The following EPS8 variants were observed in gnomAD, a reference collection of about 807,000 sequenced individuals.
EPS8 encodes epidermal growth factor receptor kinase substrate 8.
A neutral mutation model predicts 103.8 loss-of-function variants in EPS8; 42 were observed. The ratio of observed to expected loss-of-function variants is 0.40; its 90% CI spans 0.32 to 0.52. EPS8 has a LOEUF of 0.52. Ranked by LOEUF, EPS8 falls within the 20% of genes least tolerant of loss-of-function variation. The pLI, the probability that EPS8 is intolerant of heterozygous loss-of-function variation, is 0.40. For synonymous variants in EPS8, 344 were observed against 344.6 expected, an observed-to-expected ratio of 1.00 and a Z score of 0.02; for missense variants, 969 against 1,005.1, an observed-to-expected ratio of 0.96 and a Z score of 0.49.
intron 12 of EPS8, chr12:15,654,500 T>C: frequency 1.8e-6 from 1 of 570,724 alleles, no homozygotes; most frequent in East Asian, 3.0e-5. Context: ...AAATGAAAGT[T>C]AACAATTTAA....
At position 15,650,615 on chromosome 12, in the gene EPS8, T is replaced by A. The variant is rs73311036; in HGVS notation, c.1434+208A>T. ...ACAGGCTATAGGAGAGCAATTTGGGTTGGGGTTGGGCTTCACGGAGGAACA... is the reference window on the plus strand; with the variant it reads ...ACAGGCTATAGGAGAGCAATTTGGGATGGGGTTGGGCTTCACGGAGGAACA... On this transcript the variant is annotated intron_variant, in intron 14 of 20. Coordinates refer to ENST00000281172, the MANE Select transcript of EPS8 (RefSeq NM_004447.6). Among the ~76,000 whole-genome samples, 12,814 of 151,670 alleles carry A rather than the reference T, an allele frequency of 0.084. 1,242 individuals carry two copies. The highest frequency in any genetic ancestry group is 0.24 in the African/African-American group (9,990 of 41,322).
chr12:15,715,603 C>G (rs1946524225), intron 1 of EPS8, among the ~76,000 whole-genome samples: 1 of 151,660 alleles, frequency 6.6e-6, no homozygotes, highest in African/African-American at 2.4e-5. Context: ...CCAGGCTGGT[C>G]TCGAAATCTT....
intron 1 of EPS8, among the ~76,000 whole-genome samples, chr12:15,765,803 GT>G (rs566163059): frequency 8.1e-4 from 113 of 139,826 alleles, no homozygotes; most frequent in South Asian, 1.9e-3. Flanking sequence ...GAGAAAAGTG[GT>G]TTTTTTTTTT....
rs1946268268 is a variant in EPS8 at position 15,698,374 on chromosome 12, C to A, written c.-21-15402G>T. On this transcript the variant is annotated intron_variant, in intron 1 of 20. Coordinates refer to ENST00000281172, the MANE Select transcript of EPS8 (RefSeq NM_004447.6). This position sits in a 1 kb window ranked among gnomAD's most constrained non-coding sequence, Gnocchi z 4.9. ...CAGCAGCTCTAGCTTCTAACGAGAA[C>A]TACTCAAGGAAAAGAACAAGCAGTG... 6.6e-6 allele frequency among the ~76,000 whole-genome samples: 1 copy of A among 152,080 alleles called. No individual in the cohort carries two copies. Among genetic ancestry groups the A allele is most frequent in the African/African-American group, 2.4e-5 (1 of 41,394 alleles).
In EPS8 at chr12:15,747,657, G is replaced by T. The variant is rs1048465023; in HGVS notation, c.-22+41504C>A. 1.3e-5 allele frequency among the ~76,000 whole-genome samples: 2 copies of T among 152,074 alleles called. No homozygotes were observed. The highest frequency in any genetic ancestry group is 4.8e-5 in the African/African-American group (2 of 41,400). ...AGAAAGAAGAAATGAATGATCCAGA[G>T]ATATTATCCTATTCTCCAGAATCTT... is the stretch of plus-strand genomic sequence containing the variant. On this transcript the variant is annotated intron_variant, in intron 1 of 20. Coordinates refer to ENST00000281172, the MANE Select transcript of EPS8 (RefSeq NM_004447.6). The surrounding 1 kb of genome is among the most constrained non-coding windows in gnomAD (Gnocchi z 4.4).
At chr12:15,647,992 C>T (rs879771477) in intron 14 of EPS8, among the ~76,000 whole-genome samples, 1 of 152,190 alleles carries the variant, frequency 6.6e-6, no homozygotes, top group African/African-American at 2.4e-5. Flanking sequence ...AAGCGTGCAA[C>T]CTAGATCCCT....
chr12:15,786,865 G>A (rs558828188), intron 1 of EPS8, among the ~76,000 whole-genome samples: 29 of 152,154 alleles, frequency 1.9e-4, no homozygotes, highest in African/African-American at 7.0e-4. Context: ...TAATTCCCAG[G>A]AGGGATTTAC....
intron 18 of EPS8, among the ~76,000 whole-genome samples, chr12:15,628,895 G>A (rs974031794): frequency 1.3e-5 from 2 of 152,156 alleles, no homozygotes; most frequent in Admixed American, 6.5e-5. Context: ...GCTACTGTCT[G>A]GTTCTAAAAG....
rs1947215956 is a variant in EPS8 at position 15,777,257 on chromosome 12, T to G, written c.-22+11904A>C. 6.6e-6 allele frequency among the ~76,000 whole-genome samples: 1 copy of G among 151,684 alleles called. No homozygotes were observed. Among genetic ancestry groups the G allele is most frequent in the African/African-American group, 2.4e-5 (1 of 41,264 alleles). On this transcript the variant is annotated intron_variant, in intron 1 of 20. Transcript: ENST00000281172. This position sits in a 1 kb window ranked among gnomAD's most constrained non-coding sequence, Gnocchi z 4.7. ...AATTCCCTACAGTGATAAGGGGTACTTACAAAGCAGAATGAAAAAAAACAC... is the reference window on the plus strand; with the variant it reads ...AATTCCCTACAGTGATAAGGGGTACGTACAAAGCAGAATGAAAAAAAACAC...
chr12:15,730,626 GCCTTCTCTTTAC>G (rs879228779), intron 1 of EPS8, among the ~76,000 whole-genome samples: 3 of 152,096 alleles, frequency 2.0e-5, no homozygotes, highest in Admixed American at 2.0e-4. Flanking sequence ...GAGGGCAGGG[GCCTTCTCTTTAC>G]CCTGGCATAT....
chr12:15,660,546 G>A, intron 10 of EPS8, 68 bp downstream of exon 10: 1 of 819,548 alleles, frequency 1.2e-6, no homozygotes, highest in South Asian at 1.4e-5. Flanking sequence ...TTACAGGTGT[G>A]AGCCACTGCG....
At chr12:15,708,945 C>A (rs1946424484) in intron 1 of EPS8, among the ~76,000 whole-genome samples, 1 of 152,212 alleles carries the variant, frequency 6.6e-6, no homozygotes. Context: ...TTCTTAGCTG[C>A]AGCCTTAATT....
At chr12:15,770,300 A>AG (rs1481018836) in intron 1 of EPS8, among the ~76,000 whole-genome samples, 2 of 151,528 alleles carry the variant, frequency 1.3e-5, no homozygotes, top group Non-Finnish European at 2.9e-5. Context: ...AAAAAAAAAA[A>AG]AAAAGAAGAA....
chr12:15,677,787 A>G (rs1181561763), intron 3 of EPS8, among the ~76,000 whole-genome samples: 2 of 152,164 alleles, frequency 1.3e-5, no homozygotes, highest in Admixed American at 1.3e-4. Context: ...AACACACCAC[A>G]CAAAACACAC....
chr12:15,768,808 T>C (rs1947124615), intron 1 of EPS8, among the ~76,000 whole-genome samples: 1 of 152,144 alleles, frequency 6.6e-6, no homozygotes, highest in Admixed American at 6.6e-5. Flanking sequence ...GAAAACATGA[T>C]ACAATACTAA....
rs566272799 is a variant in EPS8 at position 15,697,092 on chromosome 12, G to A, written c.-21-14120C>T. ...ACAGTTCCCATCTCTAACCAACTGG[G>A]AAAATGGCCTATAGACTGAAGAAGG... On this transcript the variant is annotated intron_variant, in intron 1 of 20. Coordinates refer to ENST00000281172, the MANE Select transcript of EPS8 (RefSeq NM_004447.6). The surrounding 1 kb of genome is among the most constrained non-coding windows in gnomAD (Gnocchi z 5.6). Among the ~76,000 whole-genome samples the A allele has an allele frequency of 6.6e-6, 1 of 152,162 alleles. No homozygotes were observed. The highest frequency in any genetic ancestry group is 1.9e-4 in the East Asian group (1 of 5,174).
chr12:15,704,946 G>A lies in EPS8; in HGVS notation c.-21-21974C>T, dbSNP rs942720101. Among the ~76,000 whole-genome samples the A allele has an allele frequency of 3.3e-5, 5 of 152,036 alleles. No individual in the cohort carries two copies. The South Asian group carries it at 1.0e-3, about 32-fold the overall frequency. ...CACAAAAAACTGTCCTTAAAATCCT[G>A]TGTGTATATACACACACACATACAT... On this transcript the variant is annotated intron_variant, in intron 1 of 20. Transcript: ENST00000281172. This position sits in a 1 kb window ranked among gnomAD's most constrained non-coding sequence, Gnocchi z 4.6.
chr12:15,742,176 G>A (rs1946831551), intron 1 of EPS8, among the ~76,000 whole-genome samples: 1 of 152,178 alleles, frequency 6.6e-6, no homozygotes, highest in South Asian at 2.1e-4. Flanking sequence ...ATAAACATAT[G>A]TGTGCATGTG....
rs1474304849 is a variant in EPS8 at position 15,684,473 on chromosome 12, A to C, written c.-21-1501T>G. ...GTTTGATGACTTCTGCTTTTCAAAT[A>C]AGAAGAAGGGTACCAGGCACAGAAT... is the stretch of plus-strand genomic sequence containing the variant. On this transcript the variant is annotated intron_variant, in intron 1 of 20. Coordinates refer to ENST00000281172, the MANE Select transcript of EPS8 (RefSeq NM_004447.6). The surrounding 1 kb of genome is among the most constrained non-coding windows in gnomAD (Gnocchi z 4.9). Among the ~76,000 whole-genome samples the C allele has an allele frequency of 7.9e-5, 12 of 152,190 alleles. No individual in the cohort carries two copies. The highest frequency in any genetic ancestry group is 1.5e-4 in the Non-Finnish European group (10 of 68,024).
Sources: gnomAD v4.1 joint callset for allele counts (sites outside exome capture counted in the v4.1 genomes callset) on GRCh38, gnomAD v4.1.1 for gene constraint, Gnocchi (gnomAD v3.1) non-coding constraint, MANE v1.5 for transcripts, NCBI Gene and HGNC (gene_info 2026-07-23, HGNC 2026-07-21) for gene names.